CEP350: variants seen among roughly 807,000 people sequenced by gnomAD.
CEP350 encodes centrosome-associated protein 350.
In CEP350, 126 loss-of-function variants were observed where a neutral mutation model predicts 331.8. The observed-to-expected ratio is 0.38, with a 90% CI of 0.33 to 0.44. The LOEUF is 0.44. Among genes scored for constraint, CEP350 ranks in the 20% least tolerant of loss-of-function variants. The probability of loss-of-function intolerance (pLI) is 1.00; values close to 1 mark genes in which losing one functional copy is unlikely to be tolerated. For missense variants in CEP350, 3,406 were observed against 3,634.6 expected (o/e 0.94, Z 1.62); for synonymous variants, 1,200 against 1,259.5 (o/e 0.95, Z 1.00).
At chr1:180,094,710 A>T in intron 34 of CEP350, 94 bp downstream of exon 34, 1 of 1,321,188 alleles carries the variant, frequency 7.6e-7, no homozygotes, top group Non-Finnish European at 1.0e-6. Flanking sequence ...TAATTCTGTG[A>T]CTCCTGATAG....
intron 32 of CEP350, 110 bp downstream of exon 32, chr1:180,087,827 T>TAGAAA: frequency 8.8e-7 from 1 of 1,134,112 alleles, no homozygotes; most frequent in Non-Finnish European, 1.1e-6. Flanking sequence ...GAAGTAAAAA[T>TAGAAA]ATTATTTTCT....
chr1:180,043,572 A>G (rs1351397048), intron 20 of CEP350, among the ~76,000 whole-genome samples: 3 of 152,182 alleles, frequency 2.0e-5, no homozygotes, highest in East Asian at 1.9e-4. Flanking sequence ...GCCCTGAAGG[A>G]AGAAGGAACA....
chr1:179,962,584 A>G (rs1027184545), intron 1 of CEP350, among the ~76,000 whole-genome samples: 6 of 151,804 alleles, frequency 4.0e-5, no homozygotes, highest in Non-Finnish European at 8.8e-5. Flanking sequence ...TGATTTTTGT[A>G]TTTTTAGTAG....
In CEP350 at chr1:180,113,024, G is replaced by A; in HGVS notation, c.*1863G>A. On this transcript the variant is annotated 3_prime_UTR_variant, in exon 38 of 38. Transcript: ENST00000367607. ...TCTTCTGGGCTTGTGATGTTGAGCT[G>A]TAGTCTTGTAGCCATAATGAGCAAA... is the stretch of plus-strand genomic sequence containing the variant. 6.6e-6 allele frequency: 1 copy of A among 152,614 alleles called. No individual in the cohort carries two copies. Among genetic ancestry groups the A allele is most frequent in the African/African-American group, 2.4e-5 (1 of 41,444 alleles). 9.5% of individuals were successfully genotyped at this position (152,614 alleles called of 1,614,324 possible). A position where few individuals can be genotyped will look rare whatever the true frequency, so the allele number is the denominator to read the frequency against.
chr1:180,080,336 C>A (rs775291690), intron 29 of CEP350, among the ~76,000 whole-genome samples, 181 bp from the exon 30 acceptor site: 1 of 152,010 alleles, frequency 6.6e-6, no homozygotes, highest in Non-Finnish European at 1.5e-5. Context: ...TAATTTGTAA[C>A]CTTTTTTTAA....
intron 26 of CEP350, among the ~76,000 whole-genome samples, chr1:180,062,835 C>T (rs1402582969): frequency 1.3e-5 from 2 of 152,166 alleles, no homozygotes; most frequent in Non-Finnish European, 2.9e-5. Flanking sequence ...TTCCCACTGT[C>T]TTAATGTTAC....
At chr1:179,958,160 C>CT (rs971244019) in intron 1 of CEP350, among the ~76,000 whole-genome samples, 2 of 151,724 alleles carry the variant, frequency 1.3e-5, no homozygotes, top group African/African-American at 2.4e-5. Context: ...CAAAATGGGC[C>CT]TTTTTTTTCA....
chr1:179,990,687 TAG>T, intron 4 of CEP350, 66 bp downstream of exon 4: 1 of 862,866 alleles, frequency 1.2e-6, no homozygotes. Context: ...AACAGACAGC[TAG>T]ATCTACAGGG....
Position 180,012,057 on chromosome 1 carries a change from GA to G in CEP350, c.1378del (p.Arg460GlufsTer42). ...RTASSDRGGR[E>X]RTAKSGGHIG... is the part of the protein sequence containing the mutation. ...AGCATCAAGTGACAGAGGTGGAAGA[GA>G]AAGAACTGCTAAATCTGGTAAGTAG... On this transcript the variant is annotated frameshift_variant, in exon 9 of 38. Coordinates refer to ENST00000367607, the MANE Select transcript of CEP350 (RefSeq NM_014810.5). LOFTEE classifies it high-confidence loss of function. 1 of 1,560,996 alleles carries G rather than the reference GA, an allele frequency of 6.4e-7. No homozygotes were observed. Among genetic ancestry groups the G allele is most frequent in the Non-Finnish European group, 8.7e-7 (1 of 1,153,422 alleles).
At position 180,093,243 on chromosome 1, in the gene CEP350, G is replaced by A; in HGVS notation, c.7138G>A (p.Glu2380Lys). Residue 2380 changes from glutamate to lysine, a missense_variant, in exon 34 of 38, where the codon GAA (glutamate) becomes AAA (lysine). Transcript: ENST00000367607. ...PKEIPYSEDF[E>K]VSSFKKEISA... ...AGAGATACCATACTCTGAAGATTTT[G>A]AAGTGTCTTCTTTCAAGAAAGAAAT... 6.2e-7 allele frequency: 1 copy of A among 1,602,168 alleles called. No individual in the cohort carries two copies. Among genetic ancestry groups the A allele is most frequent in the Non-Finnish European group, 8.5e-7 (1 of 1,173,466 alleles).
Position 180,078,465 on chromosome 1 carries a change from A to T in CEP350, c.5770A>T (p.Ile1924Leu). ...LEDQRTEQKEIASEEESPVPL... is the reference protein window; with the variant it reads ...LEDQRTEQKELASEEESPVPL... ...TTGTTTTCACCTTCTCTGTCTAGAAATAGCAAGTGAAGAGGAATCTCCAGT... is the reference window on the plus strand; with the variant it reads ...TTGTTTTCACCTTCTCTGTCTAGAATTAGCAAGTGAAGAGGAATCTCCAGT... Residue 1924 changes from isoleucine (I) to leucine (L), a missense_variant and splice_region_variant, in exon 29 of 38, where the codon ATA becomes TTA. Transcript: ENST00000367607. 6.2e-7 allele frequency: 1 copy of T among 1,608,006 alleles called. No homozygotes were observed. Among genetic ancestry groups the T allele is most frequent in the Non-Finnish European group, 8.5e-7 (1 of 1,176,076 alleles).
Position 180,095,759 on chromosome 1 carries a change from C to T in CEP350, c.8748C>T (p.Val2916=), listed in dbSNP as rs1233751661. The change falls in exon 35 of 38, where the codon GTC becomes GTT. Residue 2916 remains valine (V), a synonymous_variant. Coordinates refer to ENST00000367607, the MANE Select transcript of CEP350 (RefSeq NM_014810.5). ...TQQPCETLLA[V]PHTAEEVEIL... ...AACCATGTGAAACATTATTGGCAGT[C>T]CCCCATACTGCAGAAGAAGTAGAGA... 1.2e-6 allele frequency: 2 copies of T among 1,613,814 alleles called. No individual in the cohort carries two copies. The highest frequency in any genetic ancestry group is 2.2e-5 in the South Asian group (2 of 91,072).
chr1:180,013,836 A>G lies in CEP350; in HGVS notation c.1394-11A>G. 6.3e-7 allele frequency: 1 copy of G among 1,593,096 alleles called. No individual in the cohort carries two copies. Among genetic ancestry groups the G allele is most frequent in the Non-Finnish European group, 8.5e-7 (1 of 1,171,206 alleles). ...AATTTCGGTATATCACTAACAGTTC[A>G]TACTTTGCAGGGGGTCACATTGGAA... On this transcript the variant is annotated splice_polypyrimidine_tract_variant and intron_variant, in intron 9 of 37. Transcript: ENST00000367607.
intron 11 of CEP350, among the ~76,000 whole-genome samples, chr1:180,016,664 T>TC (rs1654998273): frequency 6.7e-6 from 1 of 149,804 alleles, no homozygotes; most frequent in African/African-American, 2.4e-5. Context: ...GGTTATGTTT[T>TC]TTTTTTTTTT....
At chr1:179,987,586 C>A (rs1193734610) in intron 3 of CEP350, among the ~76,000 whole-genome samples, 1 of 150,608 alleles carries the variant, frequency 6.6e-6, no homozygotes, top group African/African-American at 2.4e-5. Context: ...AAGTCATAAA[C>A]AAGATACTAC....
At chr1:179,976,035 G>T (rs1344676588) in intron 1 of CEP350, among the ~76,000 whole-genome samples, 1 of 152,122 alleles carries the variant, frequency 6.6e-6, no homozygotes, top group Non-Finnish European at 1.5e-5. Context: ...TATGTTTTAC[G>T]AATCCCAAGA....
chr1:180,091,282 A>AC (rs1660182396), intron 33 of CEP350, among the ~76,000 whole-genome samples: 1 of 151,976 alleles, frequency 6.6e-6, no homozygotes, highest in Non-Finnish European at 1.5e-5. Flanking sequence ...GCCTGGTTGA[A>AC]CATTACCAGC....
Position 180,096,185 on chromosome 1 carries a change from G to A in CEP350, c.9066+1G>A. The A allele has an allele frequency of 6.4e-7, 1 of 1,556,386 alleles. No homozygotes were observed. Among genetic ancestry groups the A allele is most frequent in the Non-Finnish European group, 8.7e-7 (1 of 1,149,882 alleles). ...TCCAAATAACCTTGATGAAATCAAG[G>A]TAAACTGCAAACTATAAAGTGTCTT... On this transcript the variant is annotated splice_donor_variant, in intron 36 of 37. Transcript: ENST00000367607. LOFTEE classifies it high-confidence loss of function.
Position 179,955,081 on chromosome 1 carries a change from C to A in CEP350, c.-75C>A. On this transcript the variant is annotated 5_prime_UTR_variant, in exon 1 of 38. Transcript: ENST00000367607. The stretch of plus-strand genomic sequence containing the variant: ...GGGGCCGGTCGGGGCGGCGTCACTG[C>A]ACCCTCCGCCAGGCTCCGCGGGATG... 6.9e-7 allele frequency: 1 copy of A among 1,454,738 alleles called. No individual in the cohort carries two copies. The highest frequency in any genetic ancestry group is 9.0e-7 in the Non-Finnish European group (1 of 1,106,494). 90.1% of individuals were successfully genotyped at this position (1,454,738 alleles called of 1,614,324 possible).
Sources: allele counts gnomAD v4.1 joint callset (sites outside exome capture counted in the v4.1 genomes callset), GRCh38; gene constraint gnomAD v4.1.1; transcripts MANE v1.5; gene names NCBI Gene and HGNC (gene_info 2026-07-23, HGNC 2026-07-21).